PKP2: variants seen among roughly 807,000 people sequenced by gnomAD.
The protein encoded by PKP2 is plakophilin 2, also known as plakophilin-2.
Under a neutral mutation model 83.4 loss-of-function variants are expected in PKP2, and 73 were observed. The ratio of observed to expected loss-of-function variants is 0.88; its 90% CI spans 0.72 to 1.06. The LOEUF is 1.06. Ranked by LOEUF, PKP2 falls within the 50% of genes least tolerant of loss-of-function variation. The pLI, the probability that PKP2 is intolerant of heterozygous loss-of-function variation, is 0.00. For synonymous variants in PKP2, 409 were observed against 430.4 expected (o/e 0.95, Z 0.62); for missense variants, 966 against 1,065.4 (o/e 0.91, Z 1.30).
At chr12:32,825,434 G>C (rs1956429255) in intron 6 of PKP2, among the ~76,000 whole-genome samples, 1 of 152,110 alleles carries the variant, frequency 6.6e-6, no homozygotes, top group Non-Finnish European at 1.5e-5. Flanking sequence ...GCCTCCCAAA[G>C]TGCTGGGATT....
intron 9 of PKP2, among the ~76,000 whole-genome samples, chr12:32,805,061 G>T (rs188959513): frequency 6.6e-6 from 1 of 152,024 alleles, no homozygotes; most frequent in East Asian, 1.9e-4. Context: ...CAGTGATGTT[G>T]AGCTTTTTTT....
At chr12:32,868,102 A>G (rs765713802) in intron 4 of PKP2, among the ~76,000 whole-genome samples, 1 of 152,212 alleles carries the variant, frequency 6.6e-6, no homozygotes, top group African/African-American at 2.4e-5. Flanking sequence ...AGACAGGAAA[A>G]GAAGAGGGAA....
At chr12:32,830,590 A>G (rs912667117) in intron 6 of PKP2, among the ~76,000 whole-genome samples, 2 of 152,118 alleles carry the variant, frequency 1.3e-5, no homozygotes, top group Non-Finnish European at 2.9e-5. Context: ...AAGGTGGTAG[A>G]GGAGAAAATC....
chr12:32,861,613 A>C (rs141976275), intron 4 of PKP2, among the ~76,000 whole-genome samples: 274 of 152,320 alleles, frequency 1.8e-3, no homozygotes, highest in African/African-American at 6.4e-3. Context: ...TGTAGTTCCC[A>C]AAGGAGGAAT....
At chr12:32,794,025 C>T (rs1259448617) in intron 11 of PKP2, among the ~76,000 whole-genome samples, 2 of 151,990 alleles carry the variant, frequency 1.3e-5, no homozygotes, top group African/African-American at 4.8e-5. Flanking sequence ...GATTCTTTTT[C>T]CCCCCATATC....
At chr12:32,871,234 C>A (rs886491706) in intron 3 of PKP2, among the ~76,000 whole-genome samples, 4 of 152,116 alleles carry the variant, frequency 2.6e-5, no homozygotes, top group Non-Finnish European at 5.9e-5. Context: ...TTCCAGGAAG[C>A]TTATCATACT....
At position 32,843,194 on chromosome 12, in the gene PKP2, G is replaced by A. The variant is rs778406619; in HGVS notation, c.1379-1989C>T. ...ACAGGGGTCTCACCATGTTGGTCAG[G>A]CTGGTCTCGAACTCCTGACCTCGTG... On this transcript the variant is annotated intron_variant, in intron 5 of 12. Coordinates refer to ENST00000340811, the MANE Select transcript of PKP2 (RefSeq NM_001005242.3). 8 of 536,558 alleles carry A rather than the reference G, an allele frequency of 1.5e-5. No individual in the cohort carries two copies. The highest frequency in any genetic ancestry group is 1.1e-4 in the South Asian group (8 of 70,630). 33.2% of individuals were successfully genotyped at this position (536,558 alleles called of 1,614,324 possible). A position where few individuals can be genotyped will look rare whatever the true frequency, so the allele number is the denominator to read the frequency against.
intron 10 of PKP2, among the ~76,000 whole-genome samples, chr12:32,796,779 T>C (rs1261270083): frequency 6.6e-6 from 1 of 152,144 alleles, no homozygotes; most frequent in Non-Finnish European, 1.5e-5. Flanking sequence ...TTTTTAAAAA[T>C]ATTTGAAAAG....
chr12:32,795,926 T>G (rs1379621685), intron 11 of PKP2, among the ~76,000 whole-genome samples, 183 bp downstream of exon 11: 2 of 152,154 alleles, frequency 1.3e-5, no homozygotes, highest in Non-Finnish European at 2.9e-5. Flanking sequence ...TGTGGTGTGG[T>G]GGATTCAGTT....
At position 32,792,245 on chromosome 12, in the gene PKP2, C is replaced by G; in HGVS notation, c.*179G>C. 1.5e-6 allele frequency: 1 copy of G among 654,370 alleles called. No individual in the cohort carries two copies. The highest frequency in any genetic ancestry group is 2.8e-6 in the Non-Finnish European group (1 of 360,518). 40.5% of individuals were successfully genotyped at this position (654,370 alleles called of 1,614,324 possible). A position where few individuals can be genotyped will look rare whatever the true frequency, so the allele number is the denominator to read the frequency against. The stretch of plus-strand genomic sequence containing the variant: ...CCGGTATCTACTGGTGGCAAACTTG[C>G]AAAGGTCTTCTGGAAGACTCATAAA... On this transcript the variant is annotated 3_prime_UTR_variant, in exon 13 of 13. Coordinates refer to ENST00000340811, the MANE Select transcript of PKP2 (RefSeq NM_001005242.3).
intron 10 of PKP2, among the ~76,000 whole-genome samples, chr12:32,798,566 A>G (rs1956152564): frequency 6.6e-6 from 1 of 152,146 alleles, no homozygotes; most frequent in African/African-American, 2.4e-5. Flanking sequence ...AGATACATAG[A>G]CCAATGGAAT....
chr12:32,887,398 G>A (rs917544039), intron 1 of PKP2, among the ~76,000 whole-genome samples: 1 of 152,092 alleles, frequency 6.6e-6, no homozygotes, highest in Non-Finnish European at 1.5e-5. Context: ...GACATTTGGG[G>A]GGCAATCCTC....
intron 3 of PKP2, among the ~76,000 whole-genome samples, chr12:32,870,848 A>G (rs1187573392): frequency 6.6e-6 from 1 of 152,186 alleles, no homozygotes; most frequent in African/African-American, 2.4e-5. Context: ...TGAATTTCCC[A>G]TCTCTAACAC....
rs1029842036 is a variant in PKP2, at chr12:32,791,247, T to C, written c.*1177A>G. The C allele has an allele frequency of 6.6e-6, 1 of 152,190 alleles. No homozygotes were observed. The highest frequency in any genetic ancestry group is 2.4e-5 in the African/African-American group (1 of 41,444). The allele number at this position is 152,190 out of a possible 1,614,324, so 9.4% of individuals were successfully genotyped here. On this transcript the variant is annotated 3_prime_UTR_variant, in exon 13 of 13. Coordinates refer to ENST00000340811, the MANE Select transcript of PKP2 (RefSeq NM_001005242.3). Reference sequence around the variant, plus strand: ...GTCAACCATTTAAAATATCAGTATTTCTCATATCATTTCTGGATGGTCTTG... The same window carrying C: ...GTCAACCATTTAAAATATCAGTATTCCTCATATCATTTCTGGATGGTCTTG...
intron 6 of PKP2, among the ~76,000 whole-genome samples, chr12:32,838,287 G>C (rs970155479): frequency 6.6e-6 from 1 of 152,068 alleles, no homozygotes; most frequent in Non-Finnish European, 1.5e-5. Context: ...GGTACAAATA[G>C]ACACAAAGAT....
intron 5 of PKP2, among the ~76,000 whole-genome samples, chr12:32,845,712 G>A (rs531867612): frequency 2.2e-4 from 33 of 152,176 alleles, no homozygotes; most frequent in Non-Finnish European, 4.6e-4. Context: ...AGGCAGAGAT[G>A]AGGACAATGA....
intron 4 of PKP2, among the ~76,000 whole-genome samples, chr12:32,866,488 T>G (rs1475094552): frequency 7.4e-6 from 1 of 134,984 alleles, no homozygotes; most frequent in Non-Finnish European, 1.5e-5. Context: ...GAGGTGGAGG[T>G]TGCAATGAGC....
At chr12:32,806,411 G>A (rs1364388886) in intron 9 of PKP2, among the ~76,000 whole-genome samples, 1 of 152,116 alleles carries the variant, frequency 6.6e-6, no homozygotes, top group Admixed American at 6.6e-5. Flanking sequence ...GGTCTACTAA[G>A]GGATTCGATT....
chr12:32,841,631 T>A (rs1237659318), intron 5 of PKP2, among the ~76,000 whole-genome samples: 1 of 152,196 alleles, frequency 6.6e-6, no homozygotes, highest in Non-Finnish European at 1.5e-5. Flanking sequence ...TTTTTCTCCC[T>A]TAGATACACA....
Sources: gnomAD v4.1 joint callset for allele counts (sites outside exome capture counted in the v4.1 genomes callset) on GRCh38, gnomAD v4.1.1 for gene constraint, MANE v1.5 for transcripts, NCBI Gene and HGNC (gene_info 2026-07-23, HGNC 2026-07-21) for gene names.